Variants in COL8A1 observed in about 807,000 individuals in gnomAD.
COL8A1 encodes collagen alpha-1(VIII) chain.
COL8A1 carries 21 observed loss-of-function variants against 42.7 expected under a neutral mutation model. The ratio of observed to expected loss-of-function variants is 0.49; its 90% CI spans 0.35 to 0.71. The LOEUF is 0.71. COL8A1 is among the 30% of genes least tolerant of loss of function. The pLI is 0.01. For missense variants in COL8A1, 788 were observed against 962.4 expected (o/e 0.82, Z 2.40); for synonymous variants, 367 against 369.1 (o/e 0.99, Z 0.06).
intron 1 of COL8A1, among the ~76,000 whole-genome samples, chr3:99,732,028 T>C (rs1940525275): frequency 6.6e-6 from 1 of 152,152 alleles, no homozygotes; most frequent in South Asian, 2.1e-4. Context: ...AGAAGAATTC[T>C]TTTCTAGAAC....
chr3:99,751,488 G>A (rs1159154232), intron 2 of COL8A1, among the ~76,000 whole-genome samples: 1 of 152,196 alleles, frequency 6.6e-6, no homozygotes, highest in African/African-American at 2.4e-5. Context: ...GAACCAGGCA[G>A]GTGGAGGTTG....
intron 1 of COL8A1, among the ~76,000 whole-genome samples, chr3:99,720,223 A>T (rs919315198): frequency 5.3e-5 from 8 of 152,128 alleles, no homozygotes; most frequent in African/African-American, 1.7e-4. Flanking sequence ...TGACTGAACT[A>T]GTAGATCTCT....
chr3:99,676,038 C>T (rs887430732), intron 1 of COL8A1, among the ~76,000 whole-genome samples: 5 of 152,006 alleles, frequency 3.3e-5, no homozygotes, highest in Admixed American at 6.6e-5. Flanking sequence ...AAACTATCAT[C>T]TGACATTAAA....
At chr3:99,740,374 A>T (rs1244224432) in intron 1 of COL8A1, among the ~76,000 whole-genome samples, 1 of 152,204 alleles carries the variant, frequency 6.6e-6, no homozygotes, top group Non-Finnish European at 1.5e-5. Flanking sequence ...AATAAGACAT[A>T]CCCAAGGCTG....
chr3:99,796,237 C>A lies in COL8A1; in HGVS notation c.*101C>A. On this transcript the variant is annotated 3_prime_UTR_variant, in exon 4 of 4. Transcript: ENST00000652472. Reference sequence around the variant, plus strand: ...AAACATAATTGCTTCAAAACACTTACACAGTTGGAAAGTTATATGTAAGTG... The same window carrying A: ...AAACATAATTGCTTCAAAACACTTAAACAGTTGGAAAGTTATATGTAAGTG... The A allele has an allele frequency of 9.9e-7, 1 of 1,010,638 alleles. No homozygotes were observed. Among genetic ancestry groups the A allele is most frequent in the African/African-American group, 1.6e-5 (1 of 61,948 alleles). The allele number at this position is 1,010,638 out of a possible 1,614,324, so 62.6% of individuals were successfully genotyped here. A position where few individuals can be genotyped will look rare whatever the true frequency, so the allele number is the denominator to read the frequency against.
chr3:99,699,397 G>C (rs1939468680), intron 1 of COL8A1, among the ~76,000 whole-genome samples: 1 of 152,202 alleles, frequency 6.6e-6, no homozygotes, highest in Non-Finnish European at 1.5e-5. Flanking sequence ...GAGGAGCTTA[G>C]AGGGACTAAA....
At chr3:99,747,769 G>A (rs1941058432) in intron 2 of COL8A1, among the ~76,000 whole-genome samples, 1 of 152,026 alleles carries the variant, frequency 6.6e-6, no homozygotes, top group Admixed American at 6.5e-5. Flanking sequence ...TGTTCAATAT[G>A]GAATTTACTT....
intron 1 of COL8A1, among the ~76,000 whole-genome samples, chr3:99,681,332 G>T (rs557385060): frequency 3.3e-5 from 5 of 152,132 alleles, no homozygotes; most frequent in Non-Finnish European, 7.4e-5. Context: ...GTGGGCGAAG[G>T]ATATGAACAG....
At chr3:99,773,339 T>C (rs1378174276) in intron 2 of COL8A1, among the ~76,000 whole-genome samples, 1 of 152,172 alleles carries the variant, frequency 6.6e-6, no homozygotes, top group African/African-American at 2.4e-5. Context: ...CAGGCTCTTC[T>C]GGGTTTTTAA....
At chr3:99,718,291 A>G (rs1378252280) in intron 1 of COL8A1, among the ~76,000 whole-genome samples, 1 of 151,942 alleles carries the variant, frequency 6.6e-6, no homozygotes, top group African/African-American at 2.4e-5. Context: ...AGGCTTACCA[A>G]ATTGTTGTGG....
At chr3:99,652,591 G>A (rs999928857) in intron 1 of COL8A1, among the ~76,000 whole-genome samples, 1 of 152,164 alleles carries the variant, frequency 6.6e-6, no homozygotes, top group African/African-American at 2.4e-5. Context: ...GAGCATCCTG[G>A]TAGCAGAAAA....
At chr3:99,790,228 T>A (rs1359676210) in intron 2 of COL8A1, among the ~76,000 whole-genome samples, 2 of 152,206 alleles carry the variant, frequency 1.3e-5, no homozygotes, top group South Asian at 2.1e-4. Context: ...ATATCAGCAA[T>A]CCAGCCAGAA....
rs116484703 is a variant in COL8A1, at chr3:99,684,985, T to G, written c.-129+46321T>G. 3.6e-3 allele frequency among the ~76,000 whole-genome samples: 554 copies of G among 152,304 alleles called. 3 individuals are homozygous for G. The highest frequency in any genetic ancestry group is 0.012 in the African/African-American group (487 of 41,576). On this transcript the variant is annotated intron_variant, in intron 1 of 3. Transcript: ENST00000652472. ...CCTCCAGTGATACTTAAAACTGAAC[T>G]ATGCTATTCATAAAGTAAATCTTTC...
intron 1 of COL8A1, among the ~76,000 whole-genome samples, chr3:99,720,336 G>A (rs1346588487): frequency 3.9e-5 from 6 of 152,026 alleles, no homozygotes; most frequent in Admixed American, 2.6e-4. Flanking sequence ...ATGACAGATG[G>A]AAAATTTTCA....
intron 1 of COL8A1, among the ~76,000 whole-genome samples, chr3:99,737,697 A>C (rs1232206283): frequency 2.0e-5 from 3 of 151,868 alleles, no homozygotes; most frequent in Non-Finnish European, 4.4e-5. Flanking sequence ...TCTGACAATT[A>C]TGTGTCTCGG....
chr3:99,641,901 AGAG>A (rs1454770386), intron 1 of COL8A1, among the ~76,000 whole-genome samples: 2 of 152,114 alleles, frequency 1.3e-5, no homozygotes, highest in Non-Finnish European at 2.9e-5. Context: ...AAAGGAGAGG[AGAG>A]GAGAATTAAG....
At chr3:99,645,163 T>G (rs1311932530) in intron 1 of COL8A1, among the ~76,000 whole-genome samples, 6 of 152,208 alleles carry the variant, frequency 3.9e-5, no homozygotes, top group Admixed American at 3.9e-4. Flanking sequence ...TAAACTTCAT[T>G]CATAAATTCA....
Position 99,795,985 on chromosome 3 carries a change from G to A in COL8A1, c.2084G>A (p.Gly695Asp), listed in dbSNP as rs150077356. 7.3e-4 allele frequency: 1,173 copies of A among 1,614,022 alleles called. No individual in the cohort carries two copies. The highest frequency in any genetic ancestry group is 1.8e-3 in the Middle Eastern group (11 of 6,062). ...TACACGTACGACGAGTACAAAAAGG[G>A]CTTCCTGGACCAGGCATCTGGGAGT... ...VMYTYDEYKK[G>D]FLDQASGSAV... Residue 695 changes from glycine (G) to aspartate (D), a missense_variant, in exon 4 of 4, where the codon GGC becomes GAC. Transcript: ENST00000652472.
At chr3:99,663,445 C>T (rs1262286373) in intron 1 of COL8A1, among the ~76,000 whole-genome samples, 1 of 152,078 alleles carries the variant, frequency 6.6e-6, no homozygotes, top group Non-Finnish European at 1.5e-5. Context: ...TGTTGGGCTG[C>T]AAAATTCAAG....
Sources: gnomAD v4.1 joint callset for allele counts (sites outside exome capture counted in the v4.1 genomes callset) on GRCh38, gnomAD v4.1.1 for gene constraint, MANE v1.5 for transcripts, NCBI Gene and HGNC (gene_info 2026-07-23, HGNC 2026-07-21) for gene names.